The following MAT1A variants were observed in gnomAD, a reference collection of about 807,000 sequenced individuals.
MAT1A encodes S-adenosylmethionine synthase isoform type-1.
A neutral mutation model predicts 44.0 loss-of-function variants in MAT1A; 19 were observed. That is an observed-to-expected ratio of 0.43 (90% CI 0.30 to 0.63). The LOEUF is 0.63. Among genes scored for constraint, MAT1A ranks in the 30% least tolerant of loss-of-function variants. The probability of loss-of-function intolerance (pLI) is 0.12; values close to 1 mark genes in which losing one functional copy is unlikely to be tolerated. For synonymous variants in MAT1A, 205 were observed against 205.6 expected (o/e 1.00, Z 0.03); for missense variants, 397 against 531.0 (o/e 0.75, Z 2.48).
chr10:80,280,295 T>A lies in MAT1A; in HGVS notation c.427A>T (p.Thr143Ser). The A allele has an allele frequency of 1.2e-6, 2 of 1,614,062 alleles. No homozygotes were observed. The highest frequency in any genetic ancestry group is 3.3e-5 in the Admixed American group (2 of 60,026). Residue 143 changes from threonine (T) to serine (S), a missense_variant, in exon 5 of 9, where the codon ACC (threonine) becomes TCC (serine). Transcript: ENST00000372213. ...GDQGLMFGYA[T>S]DETEECMPLT... ...GGCATGCACTCCTCTGTCTCGTCGG[T>A]AGCATAGCCGAACATCAAACCCTGT...
intron 2 of MAT1A, among the ~76,000 whole-genome samples, chr10:80,285,150 T>C (rs1271622907): frequency 1.3e-5 from 2 of 152,152 alleles, no homozygotes; most frequent in Non-Finnish European, 2.9e-5. Context: ...CAGCTACCTG[T>C]GTTTCAAGCT....
intron 4 of MAT1A, 61 bp downstream of exon 4, chr10:80,280,619 A>G: frequency 7.1e-7 from 1 of 1,413,582 alleles, no homozygotes; most frequent in South Asian, 1.1e-5. Flanking sequence ...TGATTAACCC[A>G]CTGCTCATGA....
At chr10:80,275,934 G>C (rs1841478922) in intron 6 of MAT1A, among the ~76,000 whole-genome samples, 1 of 152,228 alleles carries the variant, frequency 6.6e-6, no homozygotes, top group Non-Finnish European at 1.5e-5. Context: ...GTGGTGCCCT[G>C]TCTAAAACAC....
chr10:80,287,247 C>T (rs1415591969), intron 1 of MAT1A, among the ~76,000 whole-genome samples: 1 of 152,214 alleles, frequency 6.6e-6, no homozygotes, highest in Non-Finnish European at 1.5e-5. Context: ...CCAGATAGCA[C>T]CACACACAAG....
chr10:80,286,408 G>A (rs11593762), intron 1 of MAT1A, among the ~76,000 whole-genome samples: 3,728 of 152,180 alleles, frequency 0.024, 57 homozygotes, highest in Middle Eastern at 0.044. Flanking sequence ...CCACCCATAA[G>A]AATTCTACAA....
chr10:80,280,594 A>G (rs2132706116), intron 4 of MAT1A, 86 bp downstream of exon 4: 1 of 1,229,466 alleles, frequency 8.1e-7, no homozygotes, highest in Non-Finnish European at 1.2e-6. Context: ...TAGGACAAGA[A>G]TCCACCCCTC....
rs957528650 is a variant in MAT1A at position 80,276,610 on chromosome 10, G to A, written c.550-16C>T. 1 of 1,606,644 alleles carries A rather than the reference G, an allele frequency of 6.2e-7. No individual in the cohort carries two copies. On this transcript the variant is annotated splice_polypyrimidine_tract_variant and intron_variant, in intron 5 of 8. Coordinates refer to ENST00000372213, the MANE Select transcript of MAT1A (RefSeq NM_000429.3). ...GAACTGTCACCTGTCCATCAGAAGG[G>A]TGGGGGAGATACTGTGAGGCTGAGG...
intron 5 of MAT1A, among the ~76,000 whole-genome samples, chr10:80,279,911 A>C (rs750693885): frequency 4.6e-5 from 7 of 152,158 alleles, no homozygotes; most frequent in Non-Finnish European, 7.3e-5. Flanking sequence ...CTCATTAGTC[A>C]ATGTTTACTA....
intron 1 of MAT1A, 29 bp downstream of exon 1, chr10:80,289,304 T>C (rs1167815775): frequency 3.2e-6 from 5 of 1,578,352 alleles, no homozygotes; most frequent in Non-Finnish European, 4.4e-6. Flanking sequence ...AATGATCGTT[T>C]TCCAGTCAGT....
chr10:80,275,689 T>C (rs1389480612), intron 6 of MAT1A, among the ~76,000 whole-genome samples: 2 of 152,234 alleles, frequency 1.3e-5, no homozygotes, highest in Admixed American at 1.3e-4. Flanking sequence ...CTCCCCCTTT[T>C]AGAGATCCAC....
intron 8 of MAT1A, among the ~76,000 whole-genome samples, chr10:80,274,160 G>A (rs779037974): frequency 3.9e-5 from 6 of 152,208 alleles, no homozygotes; most frequent in Non-Finnish European, 7.3e-5. Context: ...CCAGGCCAAT[G>A]TTGACACCAC....
chr10:80,275,255 G>T lies in MAT1A; in HGVS notation c.769-56C>A, dbSNP rs1318472231. On this transcript the variant is annotated intron_variant, in intron 6 of 8. Transcript: ENST00000372213. ...CAGAGCCAGCCCCTAGATGCTGGAG[G>T]GGGCTGAAGTACTGTGATGGCAGCT... 8 of 1,481,342 alleles carry T rather than the reference G, an allele frequency of 5.4e-6. No individual in the cohort carries two copies. In the Admixed American group the frequency reaches 8.8e-5, roughly 16 times the overall value. 91.8% of individuals were successfully genotyped at this position (1,481,342 alleles called of 1,614,324 possible).
chr10:80,276,325 A>T (rs1253419621), intron 6 of MAT1A, 51 bp downstream of exon 6: 1 of 1,584,796 alleles, frequency 6.3e-7, no homozygotes, highest in African/African-American at 1.3e-5. Flanking sequence ...AGACATAAGC[A>T]ACCCCAGTAA....
intron 1 of MAT1A, among the ~76,000 whole-genome samples, chr10:80,288,753 T>C (rs900802956): frequency 6.6e-6 from 1 of 152,078 alleles, no homozygotes; most frequent in South Asian, 2.1e-4. Flanking sequence ...TGACTTAAAT[T>C]GGCCATGGAT....
intron 5 of MAT1A, among the ~76,000 whole-genome samples, chr10:80,277,775 T>A (rs189760988): frequency 2.6e-5 from 4 of 152,166 alleles, no homozygotes; most frequent in Non-Finnish European, 5.9e-5. Flanking sequence ...AACTGCAGAA[T>A]AGGGCAGCAG....
intron 6 of MAT1A, 134 bp downstream of exon 6, chr10:80,276,242 C>T (rs548125859): frequency 4.6e-5 from 41 of 892,224 alleles, no homozygotes; most frequent in African/African-American, 4.3e-4. Flanking sequence ...CAAAATTCAC[C>T]GACTTTACAT....
intron 5 of MAT1A, among the ~76,000 whole-genome samples, chr10:80,278,808 C>A (rs564434277): frequency 6.6e-6 from 1 of 152,246 alleles, no homozygotes; most frequent in Non-Finnish European, 1.5e-5. Context: ...AGCTATAACA[C>A]CATGGGTGCC....
chr10:80,280,446 T>G (rs145619813), intron 4 of MAT1A, 130 bp from the exon 5 acceptor site: 2 of 1,207,242 alleles, frequency 1.7e-6, no homozygotes, highest in East Asian at 2.5e-5. Flanking sequence ...TCCACTGGCA[T>G]GTGCAGGGGA....
rs559013634 is a variant in MAT1A, at chr10:80,289,630, G to A, written c.-207C>T. On this transcript the variant is annotated 5_prime_UTR_variant, in exon 1 of 9. Transcript: ENST00000372213. ...AGAAGGGAGGGAGTGGATGGAACAC[G>A]GGATGTGTCCCTCCCTCCAGCTTGC... 2.6e-5 allele frequency: 16 copies of A among 613,176 alleles called. No homozygotes were observed. Among genetic ancestry groups the A allele is most frequent in the Middle Eastern group, 4.4e-4 (1 of 2,276 alleles). 38.0% of individuals were successfully genotyped at this position (613,176 alleles called of 1,614,324 possible). A position where few individuals can be genotyped will look rare whatever the true frequency, so the allele number is the denominator to read the frequency against.
Sources: allele counts gnomAD v4.1 joint callset (sites outside exome capture counted in the v4.1 genomes callset), GRCh38; gene constraint gnomAD v4.1.1; transcripts MANE v1.5; gene names NCBI Gene and HGNC (gene_info 2026-07-23, HGNC 2026-07-21).